The following WFDC1 variants were observed in gnomAD, a reference collection of about 807,000 sequenced individuals.
WFDC1 encodes the protein WAP four-disulfide core domain 1, also known as WAP four-disulfide core domain protein 1.
WFDC1 carries 39 observed loss-of-function variants against 32.9 expected under a neutral mutation model. That is an observed-to-expected ratio of 1.19 (90% CI 0.92 to 1.55). The LOEUF is 1.55. Among genes scored for constraint, WFDC1 ranks in the 40% most tolerant of loss-of-function variants. The pLI is 0.00. For synonymous variants in WFDC1, 184 were observed against 137.4 expected, an observed-to-expected ratio of 1.34 and a Z score of -2.37; for missense variants, 386 against 309.5, an observed-to-expected ratio of 1.25 and a Z score of -1.85.
At chr16:84,316,048 A>T (rs1181684142) in intron 2 of WFDC1, 1 of 152,248 alleles carries the variant, frequency 6.6e-6, no homozygotes, top group Non-Finnish European at 1.5e-5. Context: ...GCCTTTGATC[A>T]AGGCAAAAGA....
chr16:84,316,583 G>C (rs1432794569), intron 2 of WFDC1: 1 of 151,572 alleles, frequency 6.6e-6, no homozygotes, highest in South Asian at 2.1e-4. Context: ...AACATAGGGA[G>C]ACCGCCTATC....
rs148434666 is a variant in WFDC1, at chr16:84,311,591, C to T, written c.145-1370C>T. Among the ~76,000 whole-genome samples, 936 of 138,074 alleles carry T rather than the reference C, an allele frequency of 6.8e-3. 12 individuals carry two copies. The highest frequency in any genetic ancestry group is 0.025 in the African/African-American group (889 of 36,260). The allele number at this position is 138,074 out of a possible 152,430, so 90.6% of individuals were successfully genotyped here. ...TTGCCCAGGCTGGAGGGGAGTAGTG[C>T]GATCACAGCTCACTGCAGCCTTGAC... On this transcript the variant is annotated intron_variant, in intron 1 of 6. Coordinates refer to ENST00000219454, the MANE Select transcript of WFDC1 (RefSeq NM_021197.4).
chr16:84,296,800 A>T (rs1448850031), intron 1 of WFDC1: 6 of 152,236 alleles, frequency 3.9e-5, no homozygotes, highest in African/African-American at 1.4e-4. Context: ...AGGATTAGGA[A>T]TTAGGAGGAG....
intron 1 of WFDC1, chr16:84,295,755 C>G (rs772619984): frequency 6.6e-6 from 1 of 152,668 alleles, no homozygotes; most frequent in South Asian, 2.1e-4. Flanking sequence ...GAATCGGGCT[C>G]TGCTGCTCAT....
At chr16:84,310,058 C>T (rs1289025211) in intron 1 of WFDC1, among the ~76,000 whole-genome samples, 1 of 152,020 alleles carries the variant, frequency 6.6e-6, no homozygotes, top group Non-Finnish European at 1.5e-5. Context: ...CTTTGGGGAC[C>T]TTTATTCAGC....
intron 1 of WFDC1, among the ~76,000 whole-genome samples, chr16:84,297,617 CAAAAAAAAAAAAAAAAAAA>C (rs150683526): frequency 2.9e-5 from 2 of 69,464 alleles, no homozygotes; most frequent in African/African-American, 5.8e-5. Context: ...AACTCTGTCT[CAAAAAAAAAAAAAAAAAAA>C]AAAAAAAAAA....
At chr16:84,302,673 A>C (rs907990592) in intron 1 of WFDC1, among the ~76,000 whole-genome samples, 27 of 152,254 alleles carry the variant, frequency 1.8e-4, no homozygotes, top group African/African-American at 6.5e-4. Flanking sequence ...TGATTTGTTT[A>C]GGTTTCTCTC....
intron 1 of WFDC1, among the ~76,000 whole-genome samples, chr16:84,300,203 C>G (rs1244095651): frequency 1.3e-5 from 2 of 152,250 alleles, no homozygotes; most frequent in Non-Finnish European, 1.5e-5. Flanking sequence ...GCTGCAGGAG[C>G]CTGCTCAGCC....
At chr16:84,316,950 C>T (rs1907985757) in intron 2 of WFDC1, 1 of 151,310 alleles carries the variant, frequency 6.6e-6, no homozygotes, top group African/African-American at 2.4e-5. Flanking sequence ...TGCACTCCAG[C>T]CTGGGCGACA....
chr16:84,303,775 C>T (rs1385170240), intron 1 of WFDC1, among the ~76,000 whole-genome samples: 1 of 152,168 alleles, frequency 6.6e-6, no homozygotes, highest in Non-Finnish European at 1.5e-5. Context: ...AGTTTTGGAA[C>T]GTTCCCATCA....
chr16:84,322,160 C>CGCGTGTGT (rs376461348), intron 4 of WFDC1, among the ~76,000 whole-genome samples: 1 of 142,186 alleles, frequency 7.0e-6, no homozygotes, highest in African/African-American at 2.6e-5. Flanking sequence ...TGTGTGTGTG[C>CGCGTGTGT]GTGTGTGTGT....
intron 4 of WFDC1, 140 bp downstream of exon 4, chr16:84,319,711 C>A (rs1908194134): frequency 1.7e-6 from 2 of 1,147,652 alleles, no homozygotes; most frequent in Non-Finnish European, 2.4e-6. Context: ...TCACATCTTC[C>A]CCCTGCCCGG....
At chr16:84,302,870 T>C (rs78312887) in intron 1 of WFDC1, among the ~76,000 whole-genome samples, 10,732 of 152,064 alleles carry the variant, frequency 0.071, 1,193 homozygotes, top group African/African-American at 0.24. Flanking sequence ...ATTATGAATT[T>C]ACTGTTGAAT....
At chr16:84,327,271 G>T in intron 6 of WFDC1, 1 of 303,888 alleles carries the variant, frequency 3.3e-6, no homozygotes, top group Admixed American at 4.3e-5. Flanking sequence ...GTTCACTGCA[G>T]CCTCAGACTC....
rs146901652 is a variant in WFDC1, at chr16:84,325,363, T to C, written c.604+903T>C. ...GATTACAGGTGTCCGCCACCATACC[T>C]GGATAATTTTTGTATTTTTAGTAGA... On this transcript the variant is annotated intron_variant, in intron 5 of 6. Transcript: ENST00000219454. 7.9e-3 allele frequency among the ~76,000 whole-genome samples: 1,195 copies of C among 152,178 alleles called. 3 individuals carry two copies. The highest frequency in any genetic ancestry group is 0.013 in the Non-Finnish European group (879 of 68,004).
At chr16:84,325,411 C>G (rs932556101) in intron 5 of WFDC1, among the ~76,000 whole-genome samples, 11 of 152,128 alleles carry the variant, frequency 7.2e-5, no homozygotes, top group African/African-American at 2.7e-4. Context: ...CCTTGTTGGC[C>G]AGGCTGGTCT....
At chr16:84,295,324 C>G (rs1597655062) in intron 1 of WFDC1, 1 of 575,144 alleles carries the variant, frequency 1.7e-6, no homozygotes, top group African/African-American at 1.9e-5. Flanking sequence ...AATCAAGAGG[C>G]AAAAGACACA....
intron 3 of WFDC1, 154 bp downstream of exon 3, chr16:84,318,509 A>C (rs6564012): frequency 0.99 from 688,868 of 693,540 alleles, 342,249 homozygotes; most frequent in East Asian, 1. Flanking sequence ...CACCCCAGCG[A>C]AGAAGGGCTG....
At chr16:84,297,784 C>G (rs115422289) in intron 1 of WFDC1, among the ~76,000 whole-genome samples, 1 of 152,152 alleles carries the variant, frequency 6.6e-6, no homozygotes, top group Non-Finnish European at 1.5e-5. Context: ...TTGGACCACT[C>G]GCTGCCCTTC....
Sources: allele counts gnomAD v4.1 joint callset (sites outside exome capture counted in the v4.1 genomes callset), GRCh38; gene constraint gnomAD v4.1.1; transcripts MANE v1.5; gene names NCBI Gene and HGNC (gene_info 2026-07-23, HGNC 2026-07-21).